Variants in ADAMTS20 observed in about 807,000 individuals in gnomAD.
The protein encoded by ADAMTS20 is A disintegrin and metalloproteinase with thrombospondin motifs 20.
Under a neutral mutation model 260.1 loss-of-function variants are expected in ADAMTS20, and 225 were observed. The observed-to-expected ratio is 0.87, with a 90% CI of 0.78 to 0.97. The LOEUF (loss-of-function observed/expected upper bound fraction) is 0.97. Among genes scored for constraint, ADAMTS20 ranks in the 50% least tolerant of loss-of-function variants. The pLI is 0.00. For synonymous variants in ADAMTS20, 802 were observed against 769.5 expected, an observed-to-expected ratio of 1.04 and a Z score of -0.70; for missense variants, 2,400 against 2,337.7, an observed-to-expected ratio of 1.03 and a Z score of -0.55.
chr12:43,501,467 GCGC>G (rs1942760886), intron 4 of ADAMTS20, among the ~76,000 whole-genome samples: 3 of 31,036 alleles, frequency 9.7e-5, no homozygotes, highest in Non-Finnish European at 1.7e-4. Flanking sequence ...GGATACGCGC[GCGC>G]GCGCGCGCGC....
chr12:43,388,977 C>T (rs1016409951), intron 29 of ADAMTS20, among the ~76,000 whole-genome samples: 1 of 152,114 alleles, frequency 6.6e-6, no homozygotes, highest in Non-Finnish European at 1.5e-5. Context: ...CTAGAAAAGG[C>T]CCCACCTCCT....
chr12:43,506,440 T>G (rs920659119), intron 3 of ADAMTS20, among the ~76,000 whole-genome samples: 18 of 151,600 alleles, frequency 1.2e-4, no homozygotes, highest in Admixed American at 5.9e-4. Context: ...ACTACTGAAG[T>G]GCACACGTAA....
At chr12:43,388,118 C>T (rs1940521135) in intron 29 of ADAMTS20, among the ~76,000 whole-genome samples, 1 of 152,078 alleles carries the variant, frequency 6.6e-6, no homozygotes, top group African/African-American at 2.4e-5. Flanking sequence ...CCCAAACAGC[C>T]ACCCAGTTTT....
At chr12:43,449,405 G>A (rs975533547) in intron 14 of ADAMTS20, among the ~76,000 whole-genome samples, 7 of 152,054 alleles carry the variant, frequency 4.6e-5, no homozygotes, top group African/African-American at 1.2e-4. Flanking sequence ...AATATTACAC[G>A]TTCTCACTTG....
intron 3 of ADAMTS20, among the ~76,000 whole-genome samples, chr12:43,517,900 TAA>T (rs1283541634): frequency 2.0e-5 from 3 of 152,250 alleles, no homozygotes; most frequent in Admixed American, 6.5e-5. Context: ...TTATATATGC[TAA>T]GTTTTTAAAA....
chr12:43,410,156 G>A (rs938402515), intron 28 of ADAMTS20, among the ~76,000 whole-genome samples: 2 of 152,086 alleles, frequency 1.3e-5, no homozygotes, highest in African/African-American at 2.4e-5. Flanking sequence ...TTTAGTATGA[G>A]AGGGTAAACC....
intron 29 of ADAMTS20, among the ~76,000 whole-genome samples, chr12:43,387,186 T>C (rs1940497534): frequency 6.6e-6 from 1 of 152,182 alleles, no homozygotes; most frequent in South Asian, 2.1e-4. Flanking sequence ...TGGACGTCCT[T>C]TTGTTGATGT....
chr12:43,446,523 G>A, intron 15 of ADAMTS20, 72 bp downstream of exon 15: 1 of 1,158,210 alleles, frequency 8.6e-7, no homozygotes, highest in Non-Finnish European at 1.3e-6. Context: ...AAGAATTACT[G>A]TTACACCTTC....
At position 43,492,055 on chromosome 12, in the gene ADAMTS20, A is replaced by T. The variant is rs191731532; in HGVS notation, c.1076+450T>A. Among the ~76,000 whole-genome samples, 1,121 of 152,344 alleles carry T rather than the reference A, an allele frequency of 7.4e-3. 18 individuals carry two copies. The highest frequency in any genetic ancestry group is 0.026 in the African/African-American group (1,097 of 41,580). ...AGTTTCTTTTGTAATACAAATTCTT[A>T]TAGAACACTTCTGTGTATTATTAAC... On this transcript the variant is annotated intron_variant, in intron 6 of 38. Transcript: ENST00000389420.
chr12:43,514,470 G>C (rs1288001098), intron 3 of ADAMTS20, among the ~76,000 whole-genome samples: 1 of 148,194 alleles, frequency 6.7e-6, no homozygotes, highest in Non-Finnish European at 1.5e-5. Context: ...GCTGAGGCAG[G>C]AGAACAGCTT....
At chr12:43,390,989 A>G (rs1403975894) in intron 29 of ADAMTS20, among the ~76,000 whole-genome samples, 1 of 152,120 alleles carries the variant, frequency 6.6e-6, no homozygotes, top group Non-Finnish European at 1.5e-5. Context: ...ATCTTAGTCT[A>G]TTAGGGCTGC....
intron 31 of ADAMTS20, among the ~76,000 whole-genome samples, chr12:43,383,322 T>C (rs759221461): frequency 3.9e-5 from 6 of 152,174 alleles, no homozygotes; most frequent in Non-Finnish European, 8.8e-5. Context: ...TTCCTGGTGG[T>C]TGGTTTCACA....
chr12:43,513,845 G>A (rs534464449), intron 3 of ADAMTS20, among the ~76,000 whole-genome samples: 1 of 150,450 alleles, frequency 6.6e-6, no homozygotes, highest in African/African-American at 2.4e-5. Context: ...CTCACTCATA[G>A]GTAGGAATTG....
chr12:43,453,408 G>A (rs1186890863), intron 12 of ADAMTS20, among the ~76,000 whole-genome samples: 1 of 152,040 alleles, frequency 6.6e-6, no homozygotes, highest in Non-Finnish European at 1.5e-5. Context: ...AGTTTGATGA[G>A]GGGGAGATAT....
At chr12:43,444,159 G>A (rs1046372398) in intron 15 of ADAMTS20, among the ~76,000 whole-genome samples, 15 of 152,042 alleles carry the variant, frequency 9.9e-5, no homozygotes, top group African/African-American at 3.6e-4. Context: ...ATGGAATGAA[G>A]CTAGTATTTT....
chr12:43,421,755 A>G (rs530108619), intron 28 of ADAMTS20, among the ~76,000 whole-genome samples: 9 of 152,212 alleles, frequency 5.9e-5, no homozygotes. Flanking sequence ...CTGCTAACAA[A>G]TAAGTCTTAT....
intron 28 of ADAMTS20, chr12:43,423,801 G>A (rs1465717585): frequency 2.8e-6 from 2 of 703,416 alleles, no homozygotes; most frequent in Non-Finnish European, 5.2e-6. Flanking sequence ...CTAGGATATA[G>A]TAGATGGTCA....
intron 7 of ADAMTS20, among the ~76,000 whole-genome samples, chr12:43,488,042 TCA>T: frequency 6.6e-6 from 1 of 152,182 alleles, no homozygotes; most frequent in African/African-American, 2.4e-5. Context: ...ACAGTGAACT[TCA>T]AAGCAGTTGT....
intron 21 of ADAMTS20, 33 bp from the exon 22 acceptor site, chr12:43,431,529 C>T: frequency 1.9e-6 from 3 of 1,610,764 alleles, no homozygotes; most frequent in Non-Finnish European, 1.7e-6. Context: ...TATTTATTTG[C>T]AGCATTAGTC....
Sources: allele counts gnomAD v4.1 joint callset (sites outside exome capture counted in the v4.1 genomes callset), GRCh38; gene constraint gnomAD v4.1.1; transcripts MANE v1.5; gene names NCBI Gene and HGNC (gene_info 2026-07-23, HGNC 2026-07-21).